The following IGDCC3 variants were observed in gnomAD, a reference collection of about 807,000 sequenced individuals.
IGDCC3 encodes the protein immunoglobulin superfamily DCC subclass member 3, also known as putative neuronal cell adhesion molecule.
A neutral mutation model predicts 72.0 loss-of-function variants in IGDCC3; 47 were observed. That is an observed-to-expected ratio of 0.65 (90% CI 0.52 to 0.83). IGDCC3 has a LOEUF of 0.83. IGDCC3 is among the 40% of genes least tolerant of loss of function. The probability of loss-of-function intolerance (pLI) is 0.00; values close to 1 mark genes in which losing one functional copy is unlikely to be tolerated. For missense variants in IGDCC3, 1,038 were observed against 1,091.3 expected (o/e 0.95, Z 0.69); for synonymous variants, 477 against 472.8 (o/e 1.01, Z -0.11).
intron 2 of IGDCC3, among the ~76,000 whole-genome samples, chr15:65,363,311 A>G (rs1041381975): frequency 2.6e-5 from 4 of 152,300 alleles, no homozygotes; most frequent in African/African-American, 9.6e-5. Flanking sequence ...TGAGCCCCCA[A>G]AACCAAGGGC....
chr15:65,373,309 T>C (rs2091338407), intron 2 of IGDCC3, among the ~76,000 whole-genome samples: 1 of 152,116 alleles, frequency 6.6e-6, no homozygotes, highest in Non-Finnish European at 1.5e-5. Context: ...CACGCTTCCC[T>C]TCCTCACACC....
intron 2 of IGDCC3, among the ~76,000 whole-genome samples, chr15:65,362,039 G>C (rs2091265380): frequency 6.6e-6 from 1 of 151,966 alleles, no homozygotes; most frequent in Non-Finnish European, 1.5e-5. Context: ...GTTAGCAAAA[G>C]GGGGAGAATG....
intron 2 of IGDCC3, among the ~76,000 whole-genome samples, chr15:65,367,391 G>C (rs138975405): frequency 2.0e-5 from 3 of 150,556 alleles, no homozygotes; most frequent in African/African-American, 4.9e-5. Context: ...ATGGGGAGAG[G>C]GGGGAGGGAT....
At chr15:65,373,605 G>A (rs999958242) in intron 2 of IGDCC3, 5 of 152,780 alleles carry the variant, frequency 3.3e-5, no homozygotes, top group African/African-American at 1.2e-4. Context: ...CAGGAAAGAG[G>A]CGGCGTGCCA....
intron 2 of IGDCC3, among the ~76,000 whole-genome samples, chr15:65,354,158 G>A (rs146759648): frequency 0.059 from 8,905 of 152,162 alleles, 334 homozygotes; most frequent in Non-Finnish European, 0.085. Flanking sequence ...TGCCCACCTC[G>A]CCCTCCCAAA....
At chr15:65,362,360 G>A (rs1273802539) in intron 2 of IGDCC3, among the ~76,000 whole-genome samples, 1 of 152,130 alleles carries the variant, frequency 6.6e-6, no homozygotes, top group African/African-American at 2.4e-5. Flanking sequence ...CCTGGAAGTG[G>A]GAGCCAGGGA....
intron 2 of IGDCC3, among the ~76,000 whole-genome samples, chr15:65,342,246 C>T (rs573196165): frequency 1.3e-5 from 2 of 151,770 alleles, no homozygotes; most frequent in Admixed American, 6.6e-5. Context: ...ATTAGCCGGG[C>T]GTGGTGGCAC....
chr15:65,334,656 G>C lies in IGDCC3; in HGVS notation c.823+72C>G, dbSNP rs954311445. The C allele has an allele frequency of 7.7e-6, 10 of 1,303,222 alleles. No homozygotes were observed. In the South Asian group the frequency reaches 1.5e-4, roughly 19 times the overall value. 80.7% of individuals were successfully genotyped at this position (1,303,222 alleles called of 1,614,324 possible). On this transcript the variant is annotated intron_variant, in intron 5 of 13. Coordinates refer to ENST00000327987, the MANE Select transcript of IGDCC3 (RefSeq NM_004884.4). ...TCCACATTCCCCTGGAGCTGGGTGA[G>C]GAGTCTGAGACCGGCCCTCCCAGGG...
intron 2 of IGDCC3, among the ~76,000 whole-genome samples, chr15:65,336,889 C>T (rs913927763): frequency 2.6e-5 from 4 of 152,126 alleles, no homozygotes; most frequent in South Asian, 4.1e-4. Flanking sequence ...ACCAGGGCTG[C>T]GATTTCATTA....
Position 65,375,398 on chromosome 15 carries a change from A to C in IGDCC3, c.108T>G (p.Leu36=). The C allele has an allele frequency of 6.3e-7, 1 of 1,597,618 alleles. No homozygotes were observed. Among genetic ancestry groups the C allele is most frequent in the East Asian group, 2.3e-5 (1 of 44,410 alleles). ...CAAATGCCAGTTCAGCAGAGTGGCCAAGACCTGCATTGGGGAAGGGGAGAT... is the reference window on the plus strand; with the variant it reads ...CAAATGCCAGTTCAGCAGAGTGGCCCAGACCTGCATTGGGGAAGGGGAGAT... ...LLLLPAPSEG[L]GHSAELAFAV... Residue 36 remains leucine, a synonymous_variant, in exon 2 of 14, where the codon CTT becomes CTG. Coordinates refer to ENST00000327987, the MANE Select transcript of IGDCC3 (RefSeq NM_004884.4).
chr15:65,359,298 T>C (rs1195154937), intron 2 of IGDCC3, among the ~76,000 whole-genome samples: 1 of 152,202 alleles, frequency 6.6e-6, no homozygotes, highest in Non-Finnish European at 1.5e-5. Context: ...TTTGTTGTCA[T>C]TATGGTTATA....
intron 2 of IGDCC3, among the ~76,000 whole-genome samples, chr15:65,365,160 T>TCCTA (rs1411020332): frequency 6.6e-6 from 1 of 152,112 alleles, no homozygotes; most frequent in Admixed American, 6.5e-5. Flanking sequence ...GAAGCTCTAA[T>TCCTA]CCTACCAGGA....
Position 65,331,580 on chromosome 15 carries a change from G to A in IGDCC3, c.1228C>T (p.Gln410Ter), listed in dbSNP as rs759163921. The change falls in exon 8 of 14, where the codon CAG (glutamine) becomes TAG (stop). Residue 410 changes from glutamine (Q) to a stop codon, truncating the protein, a stop_gained. Transcript: ENST00000327987. LOFTEE classifies it high-confidence loss of function. The part of the protein sequence containing the change: ...CVAENSAGSS[Q>*]ASARLTVLWA... ...AGTACGGTCAGCCTGGCACTGGCCT[G>A]TGATGAGCCCGCACTGTTCTCGGCC... The A allele has an allele frequency of 6.2e-7, 1 of 1,613,750 alleles. No homozygotes were observed. Among genetic ancestry groups the A allele is most frequent in the Non-Finnish European group, 8.5e-7 (1 of 1,179,878 alleles).
chr15:65,342,960 T>C (rs759902484), intron 2 of IGDCC3, among the ~76,000 whole-genome samples: 1 of 152,124 alleles, frequency 6.6e-6, no homozygotes, highest in Non-Finnish European at 1.5e-5. Context: ...AGGGAGGAGA[T>C]TAATGGTAAA....
intron 2 of IGDCC3, among the ~76,000 whole-genome samples, chr15:65,354,610 A>C (rs1404663315): frequency 6.6e-6 from 1 of 152,170 alleles, no homozygotes; most frequent in Non-Finnish European, 1.5e-5. Context: ...AGACACATTT[A>C]TCTCTCTACC....
intron 2 of IGDCC3, among the ~76,000 whole-genome samples, chr15:65,347,936 CA>C (rs2091139190): frequency 1.5e-5 from 2 of 133,532 alleles, no homozygotes; most frequent in South Asian, 2.2e-4. Flanking sequence ...AATTTCATCT[CA>C]AACAACAACA....
intron 2 of IGDCC3, among the ~76,000 whole-genome samples, chr15:65,337,228 T>C (rs1241885371): frequency 6.6e-6 from 1 of 152,182 alleles, no homozygotes. Flanking sequence ...GTGTTCTCCA[T>C]CTCATTTGCA....
At chr15:65,376,143 C>T (rs1239680818) in intron 1 of IGDCC3, among the ~76,000 whole-genome samples, 1 of 152,138 alleles carries the variant, frequency 6.6e-6, no homozygotes, top group Non-Finnish European at 1.5e-5. Context: ...TTGCCTTTGT[C>T]ATAGGGAGAG....
Position 65,334,817 on chromosome 15 carries a change from T to C in IGDCC3, c.734A>G (p.Glu245Gly). 6.2e-7 allele frequency: 1 copy of C among 1,613,104 alleles called. No individual in the cohort carries two copies. The highest frequency in any genetic ancestry group is 8.5e-7 in the Non-Finnish European group (1 of 1,179,628). ...CTGGTGCACTGTCAGGGTGAGGTTC[T>C]CAGGCCCCACGAGGATGGCTGGCTC... ...YKEPAILVGPENLTLTVHQTA... is the reference protein window; with the variant it reads ...YKEPAILVGPGNLTLTVHQTA... The change falls in exon 5 of 14, where the codon GAG (glutamate) becomes GGG (glycine). Residue 245 changes from glutamate (E) to glycine (G), a missense_variant. Coordinates refer to ENST00000327987, the MANE Select transcript of IGDCC3 (RefSeq NM_004884.4).
Sources: allele counts gnomAD v4.1 joint callset (sites outside exome capture counted in the v4.1 genomes callset), GRCh38; gene constraint gnomAD v4.1.1; transcripts MANE v1.5; gene names NCBI Gene and HGNC (gene_info 2026-07-23, HGNC 2026-07-21).